TXLNB: variants seen among roughly 807,000 people sequenced by gnomAD.
TXLNB encodes beta-taxilin.
A neutral mutation model predicts 57.4 loss-of-function variants in TXLNB; 37 were observed. That is an observed-to-expected ratio of 0.64 (90% CI 0.50 to 0.85). The LOEUF (loss-of-function observed/expected upper bound fraction) is 0.85, where lower values mean the gene tolerates loss of function less well. TXLNB is among the 40% of genes least tolerant of loss of function. TXLNB has a pLI of 0.00. For synonymous variants in TXLNB, 302 were observed against 309.6 expected, an observed-to-expected ratio of 0.98 and a Z score of 0.26; for missense variants, 848 against 825.6, an observed-to-expected ratio of 1.03 and a Z score of -0.33.
chr6:139,275,462 T>A (rs1297453763), intron 3 of TXLNB, among the ~76,000 whole-genome samples: 1 of 152,210 alleles, frequency 6.6e-6, no homozygotes, highest in Non-Finnish European at 1.5e-5. Context: ...AAGTTTGTAT[T>A]TTACATGAGG....
the TXLNB span, among the ~76,000 whole-genome samples, chr6:139,208,448 C>T: frequency 6.6e-6 from 1 of 152,018 alleles, no homozygotes; most frequent in African/African-American, 2.4e-5. Flanking sequence ...TCTATGAAGC[C>T]AATATCATCC....
the TXLNB span, among the ~76,000 whole-genome samples, chr6:139,208,480 A>T: frequency 1.3e-5 from 2 of 152,300 alleles, no homozygotes; most frequent in African/African-American, 4.8e-5. Context: ...CCAGAAAAGG[A>T]CATAACAAAA....
chr6:139,288,349 G>T, intron 2 of TXLNB, 127 bp downstream of exon 2: 1 of 926,612 alleles, frequency 1.1e-6, no homozygotes, highest in Non-Finnish European at 1.6e-6. Context: ...AATACAACAA[G>T]GGAAAATATA....
At chr6:139,252,104 T>A (rs946834665) in intron 7 of TXLNB, among the ~76,000 whole-genome samples, 11 of 152,272 alleles carry the variant, frequency 7.2e-5, no homozygotes, top group African/African-American at 2.7e-4. Context: ...TTGGCTTGTA[T>A]AATTGAAAGC....
the TXLNB span, among the ~76,000 whole-genome samples, chr6:139,308,388 G>A: frequency 3.0e-3 from 455 of 152,292 alleles, 1 homozygote; most frequent in Middle Eastern, 0.01. Flanking sequence ...CCCAGACGCC[G>A]TCTGAAAACA....
chr6:139,259,159 T>C (rs1007980395), intron 6 of TXLNB, among the ~76,000 whole-genome samples: 3 of 152,172 alleles, frequency 2.0e-5, no homozygotes, highest in South Asian at 2.1e-4. Context: ...TTCATCTGAT[T>C]GCTATAGTAG....
At chr6:139,268,528 A>C (rs1776674672) in intron 4 of TXLNB, among the ~76,000 whole-genome samples, 1 of 152,230 alleles carries the variant, frequency 6.6e-6, no homozygotes, top group Non-Finnish European at 1.5e-5. Context: ...CCTGGGTCAA[A>C]GAAAAAATTA....
chr6:139,199,402 C>A, the TXLNB span, among the ~76,000 whole-genome samples: 1 of 152,176 alleles, frequency 6.6e-6, no homozygotes. Flanking sequence ...TTGAACATTT[C>A]TTGAGCATCA....
At chr6:139,226,757 A>G in the TXLNB span, among the ~76,000 whole-genome samples, 118,265 of 152,246 alleles carry the variant, frequency 0.78, 46,033 homozygotes, top group East Asian at 0.84. Flanking sequence ...GGTCAGGTGC[A>G]TGGCTCATGC....
the TXLNB span, among the ~76,000 whole-genome samples, chr6:139,188,582 GAATTT>G: frequency 6.6e-6 from 1 of 152,088 alleles, no homozygotes; most frequent in African/African-American, 2.4e-5. Context: ...TTTGTATTAA[GAATTT>G]TATTGAACTG....
chr6:139,288,643 C>G lies in TXLNB; in HGVS notation c.257G>C (p.Ser86Thr). Residue 86 changes from serine to threonine, a missense_variant, in exon 2 of 10, where the codon AGT becomes ACT. Physicochemically the swap from Ser to Thr is moderately conservative, Grantham distance 58 (BLOSUM62 1). Coordinates refer to ENST00000358430, the MANE Select transcript of TXLNB (RefSeq NM_153235.4). The part of the protein sequence containing the change: ...TAGKEGSARA[S>T]EQPENAESPD... ...TGATTCTGCATTCTCAGGCTGCTCA[C>G]TGGCCCTGGCAGAGCCCTCTTTCCC... 1 of 1,614,230 alleles carries G rather than the reference C, an allele frequency of 6.2e-7. No individual in the cohort carries two copies. The highest frequency in any genetic ancestry group is 8.5e-7 in the Non-Finnish European group (1 of 1,180,044).
At chr6:139,292,450 A>C (rs975983957), upstream of TXLNB, among the ~76,000 whole-genome samples, 1 of 152,096 alleles carries the variant, frequency 6.6e-6, no homozygotes, top group Non-Finnish European at 1.5e-5. The surrounding 1 kb of genome is among the most constrained non-coding windows in gnomAD (Gnocchi z 4.0). Context: ...TAGCTTAATT[A>C]GTGTCAGGTT....
At chr6:139,170,727 T>G in the TXLNB span, among the ~76,000 whole-genome samples, 1 of 152,166 alleles carries the variant, frequency 6.6e-6, no homozygotes, top group Non-Finnish European at 1.5e-5. Flanking sequence ...CAAGCCATAA[T>G]AAAGAACTTT....
At chr6:139,269,541 T>C (rs1371969613) in intron 4 of TXLNB, among the ~76,000 whole-genome samples, 1 of 152,196 alleles carries the variant, frequency 6.6e-6, no homozygotes, top group Non-Finnish European at 1.5e-5. Context: ...TTCCCAAATA[T>C]CAAAAAACAA....
chr6:139,276,975 A>G, intron 2 of TXLNB, 54 bp from the exon 3 acceptor site: 1 of 1,385,984 alleles, frequency 7.2e-7, no homozygotes, highest in Non-Finnish European at 9.9e-7. Flanking sequence ...GTCAGGTGAT[A>G]AGGGCTGGAG....
chr6:139,203,306 C>T, the TXLNB span, among the ~76,000 whole-genome samples: 1 of 152,136 alleles, frequency 6.6e-6, no homozygotes, highest in African/African-American at 2.4e-5. Context: ...TTTCTCTCTC[C>T]TTTCACAGCC....
At position 139,276,935 on chromosome 6, in the gene TXLNB, GAC is replaced by G. The variant is rs1194289264; in HGVS notation, c.425-16_425-15del. 2 of 1,517,114 alleles carry G rather than the reference GAC, an allele frequency of 1.3e-6. No homozygotes were observed. Among genetic ancestry groups the G allele is most frequent in the Non-Finnish European group, 1.8e-6 (2 of 1,118,198 alleles). 94.0% of individuals were successfully genotyped at this position (1,517,114 alleles called of 1,614,324 possible). Reference sequence around the variant, plus strand: ...TGGCTTCTTTGCCTTAAAAAAAAAAGACATGAAAAAAATAAGTGTTGAATTTA... The same window carrying G: ...TGGCTTCTTTGCCTTAAAAAAAAAAGATGAAAAAAATAAGTGTTGAATTTA... On this transcript the variant is annotated splice_polypyrimidine_tract_variant and intron_variant, in intron 2 of 9. Transcript: ENST00000358430.
intron 3 of TXLNB, 34 bp from the exon 4 acceptor site, chr6:139,270,660 T>C (rs776050556): frequency 3.1e-6 from 5 of 1,600,180 alleles, no homozygotes; most frequent in Non-Finnish European, 4.3e-6. Context: ...TGAAAGAAAA[T>C]GGCAGGGATC....
intron 6 of TXLNB, among the ~76,000 whole-genome samples, chr6:139,258,300 G>A (rs755472658): frequency 2.0e-5 from 3 of 152,108 alleles, no homozygotes; most frequent in Non-Finnish European, 4.4e-5. Context: ...TCTCTCATGT[G>A]CATCTTTGTC....
Sources: gnomAD v4.1 joint callset for allele counts (sites outside exome capture counted in the v4.1 genomes callset) on GRCh38, gnomAD v4.1.1 for gene constraint, Gnocchi (gnomAD v3.1) non-coding constraint, MANE v1.5 for transcripts, NCBI Gene and HGNC (gene_info 2026-07-23, HGNC 2026-07-21) for gene names.